DPRX: variants seen among roughly 807,000 people sequenced by gnomAD.
DPRX encodes the protein divergent paired-related homeobox.
Under a neutral mutation model 8.4 loss-of-function variants are expected in DPRX, and 11 were observed. The observed-to-expected ratio is 1.31, with a 90% CI of 0.82 to 2.17. The LOEUF (loss-of-function observed/expected upper bound fraction) is 2.17, where lower values mean the gene tolerates loss of function less well. Ranked by LOEUF, DPRX falls within the 30% of genes most tolerant of loss-of-function variation. The pLI is 0.00. For missense variants in DPRX, 211 were observed against 236.7 expected (o/e 0.89, Z 0.71); for synonymous variants, 72 against 87.0 (o/e 0.83, Z 0.96).
the DPRX span, chr19:53,616,952 A>G: frequency 1.3e-4 from 161 of 1,281,288 alleles, 3 homozygotes; most frequent in South Asian, 1.7e-3. Flanking sequence ...GGAATCGTTT[A>G]TGATGTTACG....
At chr19:53,618,152 A>AG in the DPRX span, among the ~76,000 whole-genome samples, 19 of 146,336 alleles carry the variant, frequency 1.3e-4, no homozygotes, top group African/African-American at 4.7e-4. Context: ...CAAAAAAAAA[A>AG]AAAGAAAGAA....
chr19:53,633,990 A>G (rs1232360765), intron 1 of DPRX, among the ~76,000 whole-genome samples: 1 of 152,204 alleles, frequency 6.6e-6, no homozygotes, highest in Non-Finnish European at 1.5e-5. Context: ...GGGGGAAAGG[A>G]ACAACCTTTT....
At chr19:53,603,624 G>C in the DPRX span, 1,500 of 265,102 alleles carry the variant, frequency 5.7e-3, 22 homozygotes, top group African/African-American at 0.029. Context: ...TACACCCACG[G>C]TAGCTCCCAC....
chr19:53,601,689 T>C, the DPRX span, among the ~76,000 whole-genome samples: 81,508 of 151,594 alleles, frequency 0.54, 25,208 homozygotes, highest in Non-Finnish European at 0.7. Flanking sequence ...ACCATGTTGG[T>C]CAGGCTGGTC....
chr19:53,626,479 A>G, the DPRX span, among the ~76,000 whole-genome samples: 1 of 152,158 alleles, frequency 6.6e-6, no homozygotes, highest in African/African-American at 2.4e-5. Flanking sequence ...GCTTGAGCCC[A>G]GGAGGTCAAG....
chr19:53,616,018 C>T, the DPRX span, among the ~76,000 whole-genome samples: 1,905 of 151,710 alleles, frequency 0.013, 37 homozygotes, highest in African/African-American at 0.044. Context: ...TTTGGGACGC[C>T]GAGGCGGGTG....
chr19:53,636,772 G>A (rs1306784763), exon 3 of DPRX: 4 of 1,614,078 alleles, frequency 2.5e-6, no homozygotes, highest in Non-Finnish European at 2.5e-6. Context: ...TCGGCCTGGT[G>A]TACACGGGTC....
the DPRX span, among the ~76,000 whole-genome samples, chr19:53,603,951 G>T: frequency 2.6e-5 from 4 of 151,806 alleles, no homozygotes; most frequent in Non-Finnish European, 5.9e-5. Context: ...TCACCATGTT[G>T]GCCAGGCTGG....
At chr19:53,619,274 C>A in the DPRX span, among the ~76,000 whole-genome samples, 1 of 151,966 alleles carries the variant, frequency 6.6e-6, no homozygotes, top group African/African-American at 2.4e-5. Context: ...GGCGTGGTGG[C>A]TCATGCCTGT....
the DPRX span, chr19:53,617,224 G>A: frequency 1.2e-6 from 1 of 820,618 alleles, no homozygotes; most frequent in Non-Finnish European, 2.2e-6. Flanking sequence ...GTATTCGTGA[G>A]AATGAAACTA....
upstream of DPRX, among the ~76,000 whole-genome samples, chr19:53,631,529 G>A (rs1231652844): frequency 6.6e-6 from 1 of 151,968 alleles, no homozygotes; most frequent in Non-Finnish European, 1.5e-5. Context: ...ACCCCAGACC[G>A]AGTCAGAAAC....
chr19:53,625,570 T>C, the DPRX span, among the ~76,000 whole-genome samples: 4 of 151,996 alleles, frequency 2.6e-5, no homozygotes, highest in Admixed American at 2.6e-4. Context: ...GGATCTTCTC[T>C]GTGGTGAGCA....
At chr19:53,629,613 C>CT (rs1052736217), upstream of DPRX, 1 of 150,780 alleles carries the variant, frequency 6.6e-6, no homozygotes, top group African/African-American at 2.4e-5. Context: ...ATTACAGGCT[C>CT]TTTTTAAATT....
At chr19:53,625,775 C>A in the DPRX span, among the ~76,000 whole-genome samples, 4 of 151,836 alleles carry the variant, frequency 2.6e-5, no homozygotes, top group Non-Finnish European at 5.9e-5. Flanking sequence ...GTAGCTGGGG[C>A]TACAAGTGTG....
chr19:53,625,463 G>A, the DPRX span, among the ~76,000 whole-genome samples: 4 of 151,950 alleles, frequency 2.6e-5, no homozygotes, highest in Admixed American at 6.6e-5. Flanking sequence ...CCCTGCTACC[G>A]CGTCTCTGTT....
At chr19:53,613,990 T>TG in the DPRX span, among the ~76,000 whole-genome samples, 6 of 151,578 alleles carry the variant, frequency 4.0e-5, no homozygotes, top group African/African-American at 1.5e-4. Context: ...CTCACTCTGT[T>TG]GCCCAGGCTG....
At chr19:53,621,564 G>A in the DPRX span, among the ~76,000 whole-genome samples, 4 of 152,082 alleles carry the variant, frequency 2.6e-5, no homozygotes, top group Non-Finnish European at 5.9e-5. Context: ...GGGAGGCTGA[G>A]GCAGACTGAT....
chr19:53,603,377 G>A, the DPRX span: 3 of 456,434 alleles, frequency 6.6e-6, no homozygotes, highest in South Asian at 1.5e-5. Flanking sequence ...ATCCATAGAC[G>A]ATGCGGCCCC....
chr19:53,624,860 A>G, the DPRX span, among the ~76,000 whole-genome samples: 2 of 151,538 alleles, frequency 1.3e-5, no homozygotes, highest in African/African-American at 4.8e-5. Context: ...AAAGAAAGAA[A>G]GAAAACACAT....
Sources: gnomAD v4.1 joint callset for allele counts (sites outside exome capture counted in the v4.1 genomes callset) on GRCh38, gnomAD v4.1.1 for gene constraint, MANE v1.5 for transcripts, NCBI Gene and HGNC (gene_info 2026-07-23, HGNC 2026-07-21) for gene names.